The following IGF2BP2 variants were observed in gnomAD, a reference collection of about 807,000 sequenced individuals.
IGF2BP2 encodes insulin like growth factor 2 mRNA binding protein 2, also known as insulin-like growth factor 2 mRNA-binding protein 2.
Under a neutral mutation model 75.8 loss-of-function variants are expected in IGF2BP2, and 17 were observed. The ratio of observed to expected loss-of-function variants is 0.22; its 90% CI spans 0.15 to 0.34. The LOEUF (loss-of-function observed/expected upper bound fraction) is 0.34. IGF2BP2 is among the 10% of genes least tolerant of loss of function. The pLI, the probability that IGF2BP2 is intolerant of heterozygous loss-of-function variation, is 1.00. For synonymous variants in IGF2BP2, 288 were observed against 295.6 expected, an observed-to-expected ratio of 0.97 and a Z score of 0.26; for missense variants, 516 against 772.4, an observed-to-expected ratio of 0.67 and a Z score of 3.93.
At chr3:185,718,531 A>G (rs1405684446) in intron 2 of IGF2BP2, among the ~76,000 whole-genome samples, 4 of 151,936 alleles carry the variant, frequency 2.6e-5, no homozygotes, top group Non-Finnish European at 5.9e-5. Flanking sequence ...TAAAAATACA[A>G]AAAATTAGCC....
chr3:185,677,048 T>TATATAG (rs1560275987), intron 7 of IGF2BP2, among the ~76,000 whole-genome samples: 1 of 44,196 alleles, frequency 2.3e-5, no homozygotes, highest in Non-Finnish European at 4.3e-5. Context: ...TATGGAGATA[T>TATATAG]ATATATATAT....
intron 2 of IGF2BP2, among the ~76,000 whole-genome samples, chr3:185,813,000 C>G (rs1740113446): frequency 6.6e-6 from 1 of 152,174 alleles, no homozygotes; most frequent in South Asian, 2.1e-4. Context: ...GAAATAGACA[C>G]AACATACCAT....
chr3:185,749,687 T>C (rs942514179), intron 2 of IGF2BP2, among the ~76,000 whole-genome samples: 3 of 152,194 alleles, frequency 2.0e-5, no homozygotes, highest in African/African-American at 4.8e-5. Flanking sequence ...AAAAACTTGT[T>C]TTACTACCCA....
At position 185,654,487 on chromosome 3, in the gene IGF2BP2, C is replaced by T. The variant is rs774693573; in HGVS notation, c.1387-2319G>A. On this transcript the variant is annotated intron_variant, in intron 12 of 15. Coordinates refer to ENST00000382199, the MANE Select transcript of IGF2BP2 (RefSeq NM_006548.6). ...GGGCGAATGGCTGATTCATGATTCA[C>T]GCTGACCAAATCAGTTCTGCCATCA... 5.9e-5 allele frequency among the ~76,000 whole-genome samples: 9 copies of T among 152,342 alleles called. No individual in the cohort carries two copies. In the East Asian group the frequency reaches 9.6e-4, roughly 16 times the overall value.
At chr3:185,765,858 G>A (rs1483411338) in intron 2 of IGF2BP2, among the ~76,000 whole-genome samples, 1 of 152,176 alleles carries the variant, frequency 6.6e-6, no homozygotes, top group Non-Finnish European at 1.5e-5. Context: ...AGATTTTGGG[G>A]GGAAAATTCT....
rs144542534 is a variant in IGF2BP2, at chr3:185,673,981, T to A, written c.1072-1312A>T. Among the ~76,000 whole-genome samples, 8 of 152,246 alleles carry A rather than the reference T, an allele frequency of 5.3e-5. No individual in the cohort carries two copies. The East Asian group carries it at 1.5e-3, about 29-fold the overall frequency. On this transcript the variant is annotated intron_variant, in intron 9 of 15. Transcript: ENST00000382199. ...GTCAGATGATACTTCCACAAATATA[T>A]CCAAACATGGGGAGAAGACACCACT... is the stretch of plus-strand genomic sequence containing the variant.
intron 2 of IGF2BP2, among the ~76,000 whole-genome samples, chr3:185,708,175 T>C (rs1018963466): frequency 7.2e-5 from 11 of 152,202 alleles, no homozygotes; most frequent in African/African-American, 2.7e-4. Flanking sequence ...TTAGGGATCA[T>C]GGTTAGGGAG....
chr3:185,778,423 T>G (rs771125157), intron 2 of IGF2BP2, among the ~76,000 whole-genome samples: 2 of 152,330 alleles, frequency 1.3e-5, no homozygotes, highest in African/African-American at 4.8e-5. Flanking sequence ...GAGTCAACTT[T>G]TTTCTCATCA....
intron 2 of IGF2BP2, 89 bp downstream of exon 2, chr3:185,823,064 C>T (rs1741567053): frequency 1.3e-6 from 1 of 782,656 alleles, no homozygotes; most frequent in Admixed American, 3.2e-5. Flanking sequence ...TTAAAAACTA[C>T]CAAGAGCACG....
chr3:185,772,092 T>C (rs1733953927), intron 2 of IGF2BP2, among the ~76,000 whole-genome samples: 1 of 152,212 alleles, frequency 6.6e-6, no homozygotes, highest in Non-Finnish European at 1.5e-5. Context: ...ATACATTTTA[T>C]GTATTTATTT....
chr3:185,658,717 C>A (rs904923513), intron 10 of IGF2BP2, among the ~76,000 whole-genome samples: 20 of 152,336 alleles, frequency 1.3e-4, no homozygotes, highest in African/African-American at 4.8e-4. Context: ...CACATACACA[C>A]ATACACCCAC....
At chr3:185,761,486 C>T (rs1732361681) in intron 2 of IGF2BP2, among the ~76,000 whole-genome samples, 1 of 152,184 alleles carries the variant, frequency 6.6e-6, no homozygotes, top group Non-Finnish European at 1.5e-5. Context: ...GCTTCACTGC[C>T]AGGAGTGTGA....
intron 2 of IGF2BP2, among the ~76,000 whole-genome samples, chr3:185,815,306 G>A (rs1258683475): frequency 3.9e-5 from 6 of 151,974 alleles, no homozygotes; most frequent in Non-Finnish European, 8.8e-5. Flanking sequence ...CTCAGCATAG[G>A]TTTTATATAT....
Position 185,821,177 on chromosome 3 carries a change from G to GA in IGF2BP2, c.239+1975dup, listed in dbSNP as rs925580828. On this transcript the variant is annotated intron_variant, in intron 2 of 15. Coordinates refer to ENST00000382199, the MANE Select transcript of IGF2BP2 (RefSeq NM_006548.6). ...CTGCATTTAAACTAATAAAGGAAAG[G>GA]AAAAAAAAATTAAAACCATCCAATC... 3.7e-4 allele frequency: 518 copies of GA among 1,403,750 alleles called. 1 individual carries two copies. Among genetic ancestry groups the GA allele is most frequent in the South Asian group, 6.4e-4 (41 of 64,168 alleles). 87.0% of individuals were successfully genotyped at this position (1,403,750 alleles called of 1,614,324 possible).
intron 12 of IGF2BP2, among the ~76,000 whole-genome samples, chr3:185,656,557 C>T (rs528117652): frequency 2.2e-4 from 34 of 152,334 alleles, no homozygotes; most frequent in African/African-American, 7.7e-4. Context: ...AATTATTTTG[C>T]GTAACAACAA....
chr3:185,812,773 G>A lies in IGF2BP2; in HGVS notation c.239+10380C>T, dbSNP rs932570761. Among the ~76,000 whole-genome samples the A allele has an allele frequency of 6.6e-5, 10 of 152,264 alleles. No individual in the cohort carries two copies. The South Asian group carries it at 1.5e-3, about 22-fold the overall frequency. On this transcript the variant is annotated intron_variant, in intron 2 of 15. Coordinates refer to ENST00000382199, the MANE Select transcript of IGF2BP2 (RefSeq NM_006548.6). ...GTAAGAAGCCAGGATTCCCATGTAC[G>A]TACATCCATTCGTCCTTCCCATAAA...
chr3:185,666,424 AG>A (rs1214356792), intron 10 of IGF2BP2, among the ~76,000 whole-genome samples: 1 of 152,220 alleles, frequency 6.6e-6, no homozygotes, highest in Admixed American at 6.5e-5. Context: ...ACCTGAGGTC[AG>A]GAGTTCAAGG....
chr3:185,655,551 T>TA lies in IGF2BP2; in HGVS notation c.1386+1734dup, dbSNP rs536712866. On this transcript the variant is annotated intron_variant, in intron 12 of 15. Transcript: ENST00000382199. ...GCTGGAAAAGATTGTTGGCCCAGCATAAAAAACATTGTCTGGACCTTCCTA... is the reference window on the plus strand; with the variant it reads ...GCTGGAAAAGATTGTTGGCCCAGCATAAAAAAACATTGTCTGGACCTTCCTA... Among the ~76,000 whole-genome samples, 38 of 152,348 alleles carry TA rather than the reference T, an allele frequency of 2.5e-4. 1 individual carries two copies. The South Asian group carries it at 7.2e-3, about 29-fold the overall frequency.
chr3:185,658,258 T>C (rs1715781942), intron 11 of IGF2BP2, 83 bp downstream of exon 11: 1 of 1,281,568 alleles, frequency 7.8e-7, no homozygotes, highest in South Asian at 1.2e-5. Flanking sequence ...ATCTGCATTG[T>C]GAACATTCAC....
Sources: allele counts gnomAD v4.1 joint callset (sites outside exome capture counted in the v4.1 genomes callset), GRCh38; gene constraint gnomAD v4.1.1; transcripts MANE v1.5; gene names NCBI Gene and HGNC (gene_info 2026-07-23, HGNC 2026-07-21).